The following CNNM2 variants were observed in gnomAD, a reference collection of about 807,000 sequenced individuals.
The protein encoded by CNNM2 is metal transporter CNNM2.
Under a neutral mutation model 66.9 loss-of-function variants are expected in CNNM2, and 12 were observed. The observed-to-expected ratio is 0.18, with a 90% CI of 0.11 to 0.29. The LOEUF is 0.29. Ranked by LOEUF, CNNM2 falls within the 10% of genes least tolerant of loss-of-function variation. The pLI is 1.00. For missense variants in CNNM2, 705 were observed against 1,167.7 expected (o/e 0.60, Z 5.77); for synonymous variants, 557 against 501.8 (o/e 1.11, Z -1.47).
In CNNM2 at chr10:103,076,334, G is replaced by A. The variant is rs2134372054; in HGVS notation, c.2418+64G>A. The A allele has an allele frequency of 4.0e-6, 6 of 1,507,156 alleles. No homozygotes were observed. The East Asian group carries it at 1.2e-4, about 31-fold the overall frequency. 93.4% of individuals were successfully genotyped at this position (1,507,156 alleles called of 1,614,324 possible). On this transcript the variant is annotated intron_variant, in intron 7 of 7. Transcript: ENST00000369878. Reference sequence around the variant, plus strand: ...TAGTTGTCAACTTCCCTGGCAAATTGTCTGTTTTGCTCCTTGCCCTCCTCA... The same window carrying A: ...TAGTTGTCAACTTCCCTGGCAAATTATCTGTTTTGCTCCTTGCCCTCCTCA...
rs918426815 is a variant in CNNM2 at position 103,083,174 on chromosome 10, A to G, written c.*5994A>G. ...TTGAGCAGTGAAGTTTTCTGAACAC[A>G]GTATTCAGAGCTGTGTACATAAACC... On this transcript the variant is annotated 3_prime_UTR_variant, in exon 8 of 8. Coordinates refer to ENST00000369878, the MANE Select transcript of CNNM2 (RefSeq NM_017649.5). 6.6e-6 allele frequency: 1 copy of G among 152,332 alleles called. No individual in the cohort carries two copies. The highest frequency in any genetic ancestry group is 1.9e-4 in the East Asian group (1 of 5,192). The allele number at this position is 152,332 out of a possible 1,614,324, so 9.4% of individuals were successfully genotyped here. A position where few individuals can be genotyped will look rare whatever the true frequency, so the allele number is the denominator to read the frequency against.
chr10:103,012,810 T>G (rs1192688126), intron 1 of CNNM2, among the ~76,000 whole-genome samples: 1 of 152,174 alleles, frequency 6.6e-6, no homozygotes, highest in Non-Finnish European at 1.5e-5. Context: ...GGTTAAGTAC[T>G]GAACCCTTTC....
chr10:103,004,889 A>G (rs2064195914), intron 1 of CNNM2, among the ~76,000 whole-genome samples: 2 of 152,168 alleles, frequency 1.3e-5, no homozygotes, highest in Non-Finnish European at 2.9e-5. Flanking sequence ...TTTGGATTGT[A>G]TTGAATCTGT....
At position 103,087,742 on chromosome 10, in the gene CNNM2, G is replaced by T. The variant is rs529402545; in HGVS notation, c.*10562G>T. ...ATGACCACACATTCTCCTAACACGGGCAACAGTCTAGTCTAATTGTTATTG... is the reference window on the plus strand; with the variant it reads ...ATGACCACACATTCTCCTAACACGGTCAACAGTCTAGTCTAATTGTTATTG... On this transcript the variant is annotated 3_prime_UTR_variant, in exon 8 of 8. Transcript: ENST00000369878. 6.6e-6 allele frequency: 1 copy of T among 152,264 alleles called. No homozygotes were observed. Among genetic ancestry groups the T allele is most frequent in the East Asian group, 1.9e-4 (1 of 5,182 alleles). The allele number at this position is 152,264 out of a possible 1,614,324, so 9.4% of individuals were successfully genotyped here.
intron 1 of CNNM2, among the ~76,000 whole-genome samples, chr10:103,022,904 CTCTT>C (rs111532326): frequency 2.7e-5 from 4 of 148,260 alleles, no homozygotes; most frequent in African/African-American, 9.9e-5. Context: ...AAGGTTCAGA[CTCTT>C]TATTTTTTTT....
intron 1 of CNNM2, among the ~76,000 whole-genome samples, chr10:103,008,596 T>C (rs1167129116): frequency 1.3e-5 from 2 of 152,134 alleles, no homozygotes; most frequent in Non-Finnish European, 1.5e-5. Flanking sequence ...CTGGCCAACA[T>C]GGCAAAACTG....
At chr10:102,964,540 A>C (rs1238865573) in intron 1 of CNNM2, among the ~76,000 whole-genome samples, 1 of 152,092 alleles carries the variant, frequency 6.6e-6, no homozygotes, top group Non-Finnish European at 1.5e-5. Context: ...GATATTCTTA[A>C]TGGGCAAATT....
intron 1 of CNNM2, among the ~76,000 whole-genome samples, chr10:102,960,897 G>T (rs1244984368): frequency 7.2e-6 from 1 of 138,810 alleles, no homozygotes. Flanking sequence ...GTGATTCTCT[G>T]TTTTTTTTTT....
At chr10:103,071,650 C>G (rs2065585350) in intron 5 of CNNM2, 124 bp from the exon 6 acceptor site, 1 of 818,494 alleles carries the variant, frequency 1.2e-6, no homozygotes, top group East Asian at 2.4e-5. Flanking sequence ...TACCGACTTG[C>G]ATTTCTGCAA....
At chr10:103,021,376 G>C (rs1428891314) in intron 1 of CNNM2, among the ~76,000 whole-genome samples, 1 of 152,156 alleles carries the variant, frequency 6.6e-6, no homozygotes, top group Admixed American at 6.5e-5. Context: ...GAGTCCCGTC[G>C]AATGTGTGTG....
Position 103,078,092 on chromosome 10 carries a change from A to G in CNNM2, c.*912A>G, listed in dbSNP as rs934988349. On this transcript the variant is annotated 3_prime_UTR_variant, in exon 8 of 8. Coordinates refer to ENST00000369878, the MANE Select transcript of CNNM2 (RefSeq NM_017649.5). ...CCCTGGTCCTTGCTCTTGTTAACCCAAGATGCTGCTACACAGATGCCAAAT... is the reference window on the plus strand; with the variant it reads ...CCCTGGTCCTTGCTCTTGTTAACCCGAGATGCTGCTACACAGATGCCAAAT... 1.3e-5 allele frequency: 2 copies of G among 152,370 alleles called. No homozygotes were observed. The highest frequency in any genetic ancestry group is 2.9e-5 in the Non-Finnish European group (2 of 68,044). The allele number at this position is 152,370 out of a possible 1,614,324, so 9.4% of individuals were successfully genotyped here.
rs12763464 is a variant in CNNM2 at position 103,054,602 on chromosome 10, T to G, written c.1903+136T>G. The G allele has an allele frequency of 6.8e-6, 5 of 735,926 alleles. No individual in the cohort carries two copies. Among genetic ancestry groups the G allele is most frequent in the Non-Finnish European group, 7.9e-6 (4 of 503,752 alleles). 45.6% of individuals were successfully genotyped at this position (735,926 alleles called of 1,614,324 possible). A position where few individuals can be genotyped will look rare whatever the true frequency, so the allele number is the denominator to read the frequency against. ...TAATGCCACTTTTGTGTTTTGTTTT[T>G]TTTGTTTTTTTGTTTTGTTTTGTTT... On this transcript the variant is annotated intron_variant, in intron 3 of 7. Transcript: ENST00000369878. This position sits in a 1 kb window ranked among gnomAD's most constrained non-coding sequence, Gnocchi z 5.2.
chr10:103,087,908 A>C lies in CNNM2; in HGVS notation c.*10728A>C, dbSNP rs1204586320. 6.6e-6 allele frequency: 1 copy of C among 152,256 alleles called. No homozygotes were observed. The highest frequency in any genetic ancestry group is 1.5e-5 in the Non-Finnish European group (1 of 68,046). 9.4% of individuals were successfully genotyped at this position (152,256 alleles called of 1,614,324 possible). On this transcript the variant is annotated 3_prime_UTR_variant, in exon 8 of 8. Transcript: ENST00000369878. ...CAGACAGTATATCCTTGACTAAGTT[A>C]TCAGGCTGTGTTCTCTGCTTATAAA...
At position 103,009,952 on chromosome 10, in the gene CNNM2, T is replaced by C. The variant is rs11191511; in HGVS notation, c.1622-39755T>C. 0.098 allele frequency among the ~76,000 whole-genome samples: 14,339 copies of C among 146,622 alleles called. 876 individuals carry two copies. Among genetic ancestry groups the C allele is most frequent in the East Asian group, 0.28 (1,427 of 5,078 alleles). On this transcript the variant is annotated intron_variant, in intron 1 of 7. Transcript: ENST00000369878. ...GGAAATTTAAGACTTTTTTTTTTTT[T>C]CACAATTAGAGACAAAAATTGCGAA...
At chr10:102,972,901 C>T (rs982648901) in intron 1 of CNNM2, among the ~76,000 whole-genome samples, 2 of 152,140 alleles carry the variant, frequency 1.3e-5, no homozygotes, top group Non-Finnish European at 2.9e-5. Context: ...ACTGTACAAT[C>T]AAGTTTCTTT....
intron 6 of CNNM2, among the ~76,000 whole-genome samples, chr10:103,073,790 A>G (rs1005147136): frequency 6.9e-6 from 1 of 145,810 alleles, no homozygotes; most frequent in African/African-American, 2.5e-5. Flanking sequence ...TGAACCCGGG[A>G]AGCGGAACTT....
intron 1 of CNNM2, among the ~76,000 whole-genome samples, chr10:102,936,793 T>C (rs1231139342): frequency 6.6e-6 from 1 of 152,214 alleles, no homozygotes; most frequent in Non-Finnish European, 1.5e-5. Context: ...TTTTCTGTGT[T>C]GCTCCAAGTT....
At chr10:102,989,375 A>G (rs1481927545) in intron 1 of CNNM2, among the ~76,000 whole-genome samples, 1 of 151,442 alleles carries the variant, frequency 6.6e-6, no homozygotes, top group Non-Finnish European at 1.5e-5. Flanking sequence ...TATTTTTTTC[A>G]TTCTTCTTTT....
intron 1 of CNNM2, among the ~76,000 whole-genome samples, chr10:102,965,640 G>A (rs897178631): frequency 9.2e-5 from 14 of 152,136 alleles, no homozygotes; most frequent in African/African-American, 3.4e-4. Flanking sequence ...TTGAGTCAGC[G>A]TCTTTATCCT....
Sources: gnomAD v4.1 joint callset for allele counts (sites outside exome capture counted in the v4.1 genomes callset) on GRCh38, gnomAD v4.1.1 for gene constraint, Gnocchi (gnomAD v3.1) non-coding constraint, MANE v1.5 for transcripts, NCBI Gene and HGNC (gene_info 2026-07-23, HGNC 2026-07-21) for gene names.